The following C12orf42 variants were observed in gnomAD, a reference collection of about 807,000 sequenced individuals.
The protein encoded by C12orf42 is uncharacterized protein C12orf42.
A neutral mutation model predicts 21.6 loss-of-function variants in C12orf42; 25 were observed. The observed-to-expected ratio is 1.16, with a 90% CI of 0.84 to 1.62. C12orf42 has a LOEUF of 1.62. Ranked by LOEUF, C12orf42 falls within the 40% of genes most tolerant of loss-of-function variation. The pLI is 0.00. For synonymous variants in C12orf42, 174 were observed against 175.0 expected (o/e 0.99, Z 0.05); for missense variants, 483 against 459.3 (o/e 1.05, Z -0.47).
chr12:103,457,347 CTG>C (rs1952370256), intron 2 of C12orf42, among the ~76,000 whole-genome samples: 1 of 152,176 alleles, frequency 6.6e-6, no homozygotes, highest in African/African-American at 2.4e-5. Flanking sequence ...AGGGTATACA[CTG>C]TGTTTCTCTT....
chr12:103,330,089 T>C (rs1283766087), intron 4 of C12orf42, among the ~76,000 whole-genome samples: 1 of 152,174 alleles, frequency 6.6e-6, no homozygotes, highest in Non-Finnish European at 1.5e-5. Context: ...AAGTATTACA[T>C]GAAGTATAAT....
At chr12:103,543,852 T>G in the C12orf42 span, among the ~76,000 whole-genome samples, 329 of 151,888 alleles carry the variant, frequency 2.2e-3, 4 homozygotes, top group African/African-American at 7.7e-3. Flanking sequence ...TTTAGAATTT[T>G]TTGTTGTTGT....
chr12:103,486,223 G>A (rs1954820861), intron 1 of C12orf42, among the ~76,000 whole-genome samples: 1 of 152,162 alleles, frequency 6.6e-6, no homozygotes. Flanking sequence ...TACATCTATT[G>A]AGATAATCAT....
chr12:103,360,958 C>T (rs1179943240), intron 4 of C12orf42, among the ~76,000 whole-genome samples: 1 of 152,094 alleles, frequency 6.6e-6, no homozygotes, highest in African/African-American at 2.4e-5. Context: ...TATACTCTTG[C>T]ACCATTTGAG....
At chr12:103,187,073 CT>C in the C12orf42 span, among the ~76,000 whole-genome samples, 1 of 152,102 alleles carries the variant, frequency 6.6e-6, no homozygotes, top group Non-Finnish European at 1.5e-5. Context: ...GTTTTCCTGA[CT>C]TTTTGTTTTT....
At chr12:103,161,956 G>C in the C12orf42 span, among the ~76,000 whole-genome samples, 1 of 152,034 alleles carries the variant, frequency 6.6e-6, no homozygotes, top group Non-Finnish European at 1.5e-5. Flanking sequence ...TTCCCCTCTC[G>C]CACTCTCTTT....
chr12:103,536,727 C>T, the C12orf42 span, among the ~76,000 whole-genome samples: 1 of 152,122 alleles, frequency 6.6e-6, no homozygotes, highest in Non-Finnish European at 1.5e-5. Context: ...GTCCTTTCTC[C>T]TTTTCTCCCT....
At chr12:103,215,694 T>A in the C12orf42 span, among the ~76,000 whole-genome samples, 3 of 152,242 alleles carry the variant, frequency 2.0e-5, no homozygotes, top group African/African-American at 7.2e-5. Context: ...CCAGCCCATC[T>A]GAATGATCAA....
At chr12:103,288,932 G>A (rs925013233) in intron 4 of C12orf42, among the ~76,000 whole-genome samples, 1 of 152,042 alleles carries the variant, frequency 6.6e-6, no homozygotes, top group Non-Finnish European at 1.5e-5. Context: ...CAAGGAGCAG[G>A]GCTATTTTTA....
the C12orf42 span, among the ~76,000 whole-genome samples, chr12:103,128,295 T>C: frequency 1.3e-5 from 2 of 152,102 alleles, no homozygotes; most frequent in Non-Finnish European, 2.9e-5. Context: ...AAGAAAAGGC[T>C]ACTGACTTTA....
At chr12:103,532,729 T>C in the C12orf42 span, among the ~76,000 whole-genome samples, 4 of 152,216 alleles carry the variant, frequency 2.6e-5, no homozygotes, top group Non-Finnish European at 4.4e-5. Context: ...CCTGTGTCAT[T>C]TGCATGATAT....
At chr12:103,134,556 C>G in the C12orf42 span, among the ~76,000 whole-genome samples, 1 of 151,354 alleles carries the variant, frequency 6.6e-6, no homozygotes, top group Non-Finnish European at 1.5e-5. Context: ...GGAAATAGCT[C>G]AGTCAGACAA....
At chr12:103,249,082 G>A (rs947344106) in intron 10 of C12orf42, among the ~76,000 whole-genome samples, 5 of 152,002 alleles carry the variant, frequency 3.3e-5, no homozygotes, top group African/African-American at 9.7e-5. Context: ...ACAGAGTGGA[G>A]GGAGGAATCA....
the C12orf42 span, among the ~76,000 whole-genome samples, chr12:103,065,036 A>G: frequency 5.3e-5 from 8 of 152,160 alleles, no homozygotes; most frequent in Non-Finnish European, 7.4e-5. Flanking sequence ...GAGGATTATT[A>G]TGGTAGGAAA....
At chr12:103,212,766 C>T in the C12orf42 span, among the ~76,000 whole-genome samples, 1 of 152,038 alleles carries the variant, frequency 6.6e-6, no homozygotes, top group African/African-American at 2.4e-5. Flanking sequence ...TATCATCATA[C>T]TTCCCTAAAA....
the C12orf42 span, among the ~76,000 whole-genome samples, chr12:103,072,244 T>TA: frequency 6.6e-6 from 1 of 152,088 alleles, no homozygotes; most frequent in Non-Finnish European, 1.5e-5. Context: ...AACTATTTTT[T>TA]AAAAAATAGT....
At chr12:103,348,943 G>A (rs1337399636) in intron 4 of C12orf42, among the ~76,000 whole-genome samples, 1 of 152,150 alleles carries the variant, frequency 6.6e-6, no homozygotes, top group Non-Finnish European at 1.5e-5. Context: ...AGCAGACACT[G>A]TTGATGCAAA....
chr12:103,359,520 T>C (rs1254519439), intron 4 of C12orf42, among the ~76,000 whole-genome samples: 2 of 152,068 alleles, frequency 1.3e-5, no homozygotes, highest in Non-Finnish European at 2.9e-5. Flanking sequence ...AAGGATGCAT[T>C]ACACTAAATG....
the C12orf42 span, among the ~76,000 whole-genome samples, chr12:103,217,408 A>G: frequency 6.6e-6 from 1 of 151,896 alleles, no homozygotes; most frequent in South Asian, 2.1e-4. Flanking sequence ...GCATGCATGT[A>G]GTCCTAGCTA....
Sources: gnomAD v4.1 joint callset for allele counts (sites outside exome capture counted in the v4.1 genomes callset) on GRCh38, gnomAD v4.1.1 for gene constraint, MANE v1.5 for transcripts, NCBI Gene and HGNC (gene_info 2026-07-23, HGNC 2026-07-21) for gene names.